MAP1LC3B: variants seen among roughly 807,000 people sequenced by gnomAD.
MAP1LC3B encodes the protein microtubule associated protein 1 light chain 3 beta, also known as microtubule-associated protein 1 light chain 3 beta.
In MAP1LC3B, 12 loss-of-function variants were observed where a neutral mutation model predicts 16.7. The observed-to-expected ratio is 0.72, with a 90% CI of 0.46 to 1.16. The LOEUF is 1.16. Ranked by LOEUF, MAP1LC3B falls within the 50% of genes most tolerant of loss-of-function variation. The pLI, the probability that MAP1LC3B is intolerant of heterozygous loss-of-function variation, is 0.00. For missense variants in MAP1LC3B, 155 were observed against 159.5 expected (o/e 0.97, Z 0.15); for synonymous variants, 63 against 56.5 (o/e 1.11, Z -0.51).
chr16:87,403,146 GA>G lies in MAP1LC3B; in HGVS notation c.*57del, dbSNP rs755217445. On this transcript the variant is annotated 3_prime_UTR_variant, in exon 4 of 4. Transcript: ENST00000268607. Reference sequence around the variant, plus strand: ...TAGAATTGTTTAAACCCTTACCAAGGAAAAAAAAGGGATGTTACCAACTGAG... The same window carrying G: ...TAGAATTGTTTAAACCCTTACCAAGGAAAAAAAGGGATGTTACCAACTGAG... The G allele has an allele frequency of 0.021, 32,939 of 1,548,996 alleles. 406 individuals carry two copies. The highest frequency in any genetic ancestry group is 0.025 in the Non-Finnish European group (28,394 of 1,150,360).
At chr16:87,400,651 G>C (rs143362572) in intron 2 of MAP1LC3B, among the ~76,000 whole-genome samples, 1 of 151,540 alleles carries the variant, frequency 6.6e-6, no homozygotes, top group East Asian at 1.9e-4. Context: ...GAAAAACATT[G>C]AGCATATTAC....
chr16:87,395,214 A>G (rs368486944), intron 1 of MAP1LC3B, among the ~76,000 whole-genome samples: 3 of 152,364 alleles, frequency 2.0e-5, no homozygotes, highest in East Asian at 3.8e-4. Flanking sequence ...TAATGTTTGT[A>G]AAGGCTCTTA....
chr16:87,399,601 G>A (rs768050502), intron 2 of MAP1LC3B: 1 of 455,028 alleles, frequency 2.2e-6, no homozygotes, highest in South Asian at 1.6e-5. Context: ...GTGACAGGGT[G>A]GAAGAATTAC....
chr16:87,404,373 G>A lies in MAP1LC3B; in HGVS notation c.*1276G>A, dbSNP rs1908102037. On this transcript the variant is annotated 3_prime_UTR_variant, in exon 4 of 4. Coordinates refer to ENST00000268607, the MANE Select transcript of MAP1LC3B (RefSeq NM_022818.5). Reference sequence around the variant, plus strand: ...ACAACTTACCCTTGTGTGTTTAGATGTGTATGAAATACCTGTATACGTTAG... The same window carrying A: ...ACAACTTACCCTTGTGTGTTTAGATATGTATGAAATACCTGTATACGTTAG... The A allele has an allele frequency of 6.6e-6, 1 of 152,102 alleles. No homozygotes were observed. Among genetic ancestry groups the A allele is most frequent in the Non-Finnish European group, 1.5e-5 (1 of 68,030 alleles). 9.4% of individuals were successfully genotyped at this position (152,102 alleles called of 1,614,324 possible). A position where few individuals can be genotyped will look rare whatever the true frequency, so the allele number is the denominator to read the frequency against.
chr16:87,397,258 G>C (rs972346230), intron 1 of MAP1LC3B, among the ~76,000 whole-genome samples: 1 of 152,172 alleles, frequency 6.6e-6, no homozygotes, highest in African/African-American at 2.4e-5. Context: ...GTTTTGGATG[G>C]GGAAACAGAA....
chr16:87,398,954 ACAGGAATCAC>A, intron 2 of MAP1LC3B, 84 bp downstream of exon 2: 1 of 1,229,182 alleles, frequency 8.1e-7, no homozygotes, highest in Admixed American at 1.7e-5. Flanking sequence ...ACGGGTTTTT[ACAGGAATCAC>A]CAGACAGCCA....
At chr16:87,401,152 A>C (rs1321903393) in intron 2 of MAP1LC3B, among the ~76,000 whole-genome samples, 2 of 151,716 alleles carry the variant, frequency 1.3e-5, no homozygotes, top group Non-Finnish European at 2.9e-5. Context: ...AAAAAAAAAA[A>C]AAAACTTCAG....
At chr16:87,396,966 T>G (rs1907830547) in intron 1 of MAP1LC3B, 1 of 152,164 alleles carries the variant, frequency 6.6e-6, no homozygotes, top group African/African-American at 2.4e-5. Flanking sequence ...TAGCTGGGAT[T>G]ACAGGCGCCG....
At chr16:87,393,542 C>G (rs370704134) in intron 1 of MAP1LC3B, among the ~76,000 whole-genome samples, 1 of 152,122 alleles carries the variant, frequency 6.6e-6, no homozygotes, top group Admixed American at 6.5e-5. Context: ...TTTCTTATGC[C>G]TGAGAAACTT....
At chr16:87,402,414 C>T in intron 3 of MAP1LC3B, 133 bp downstream of exon 3, 2 of 836,038 alleles carry the variant, frequency 2.4e-6, no homozygotes, top group Non-Finnish European at 3.6e-6. Flanking sequence ...AGTTCTGATT[C>T]AGTTATGATT....
intron 1 of MAP1LC3B, chr16:87,392,896 C>T (rs1035352205): frequency 2.0e-5 from 3 of 152,022 alleles, no homozygotes; most frequent in Non-Finnish European, 4.4e-5. Context: ...CCGCGCTGGG[C>T]CGTTCGGCTC....
At chr16:87,396,767 AG>A (rs1434145260) in intron 1 of MAP1LC3B, 1 of 152,202 alleles carries the variant, frequency 6.6e-6, no homozygotes, top group Non-Finnish European at 1.5e-5. Flanking sequence ...AAGGAGTCAA[AG>A]GATAAGAGCC....
chr16:87,402,025 T>C (rs144573293), intron 2 of MAP1LC3B, 150 bp from the exon 3 acceptor site: 11,773 of 613,084 alleles, frequency 0.019, 146 homozygotes, highest in Middle Eastern at 0.026. Flanking sequence ...TTAGTAGAGA[T>C]GGGGTTTCAC....
rs764256984 is a variant in MAP1LC3B, at chr16:87,392,391, G to GCGTCGT, written c.-34_-29dup. On this transcript the variant is annotated 5_prime_UTR_variant, in exon 1 of 4. Transcript: ENST00000268607. ...GCCCCCGGGAGCCGCCGGGACCCTC[G>GCGTCGT]CGTCGTCGCCGCCGCCGCCGCCCAG... 7.6e-5 allele frequency: 108 copies of GCGTCGT among 1,414,218 alleles called. 1 individual carries two copies. The South Asian group carries it at 1.5e-3, about 19-fold the overall frequency. The allele number at this position is 1,414,218 out of a possible 1,614,324, so 87.6% of individuals were successfully genotyped here. A position where few individuals can be genotyped will look rare whatever the true frequency, so the allele number is the denominator to read the frequency against.
chr16:87,393,549 A>G (rs2150708873), intron 1 of MAP1LC3B, among the ~76,000 whole-genome samples: 1 of 152,286 alleles, frequency 6.6e-6, no homozygotes, highest in East Asian at 1.9e-4. Flanking sequence ...TGCCTGAGAA[A>G]CTTAAGCAAA....
intron 2 of MAP1LC3B, 29 bp downstream of exon 2, chr16:87,398,899 C>A: frequency 1.2e-6 from 2 of 1,600,366 alleles, no homozygotes; most frequent in African/African-American, 1.3e-5. Flanking sequence ...CGGTTTCAGT[C>A]ATGAATGTAC....
rs571136277 is a variant in MAP1LC3B, at chr16:87,392,362, C to A, written c.-66C>A. 2.2e-3 allele frequency: 2,971 copies of A among 1,362,018 alleles called. 3 individuals are homozygous for A. Among genetic ancestry groups the A allele is most frequent in the Non-Finnish European group, 2.6e-3 (2,796 of 1,062,042 alleles). 84.4% of individuals were successfully genotyped at this position (1,362,018 alleles called of 1,614,324 possible). A position where few individuals can be genotyped will look rare whatever the true frequency, so the allele number is the denominator to read the frequency against. On this transcript the variant is annotated 5_prime_UTR_variant, in exon 1 of 4. Coordinates refer to ENST00000268607, the MANE Select transcript of MAP1LC3B (RefSeq NM_022818.5). ...GAGTCGGATTCGCCGCCGCAGCAGC[C>A]GCCGCCCCCGGGAGCCGCCGGGACC...
chr16:87,398,931 GT>G, intron 2 of MAP1LC3B, 61 bp downstream of exon 2: 1 of 1,438,474 alleles, frequency 7.0e-7, no homozygotes, highest in Non-Finnish European at 9.8e-7. Context: ...CACCGCATAA[GT>G]GCATCCACTT....
Position 87,402,955 on chromosome 16 carries a change from T to C in MAP1LC3B, c.236T>C (p.Phe79Ser), listed in dbSNP as rs367894639. The change falls in exon 4 of 4, where the codon TTC becomes TCC. Residue 79 changes from phenylalanine (F) to serine (S), a missense_variant. Physicochemically the swap from Phe to Ser is radical, Grantham distance 155. Coordinates refer to ENST00000268607, the MANE Select transcript of MAP1LC3B (RefSeq NM_022818.5). ...TTACAGCTCAATGCTAATCAGGCCT[T>C]CTTCCTGTTGGTGAACGGACACAGC... ...RRLQLNANQA[F>S]FLLVNGHSMV... 1 of 1,614,018 alleles carries C rather than the reference T, an allele frequency of 6.2e-7. No homozygotes were observed. Among genetic ancestry groups the C allele is most frequent in the East Asian group, 2.2e-5 (1 of 44,888 alleles).
Sources: allele counts gnomAD v4.1 joint callset (sites outside exome capture counted in the v4.1 genomes callset), GRCh38; gene constraint gnomAD v4.1.1; transcripts MANE v1.5; gene names NCBI Gene and HGNC (gene_info 2026-07-23, HGNC 2026-07-21).